DLC1: variants seen among roughly 807,000 people sequenced by gnomAD.
DLC1 encodes rho GTPase-activating protein 7.
A neutral mutation model predicts 140.3 loss-of-function variants in DLC1; 54 were observed. The ratio of observed to expected loss-of-function variants is 0.38; its 90% confidence interval spans 0.31 to 0.48. The LOEUF (loss-of-function observed/expected upper bound fraction) is 0.48. Ranked by LOEUF, DLC1 falls within the 20% of genes least tolerant of loss-of-function variation. The pLI, the probability that DLC1 is intolerant of heterozygous loss-of-function variation, is 0.96. For missense variants in DLC1, 2,536 were observed against 1,907.0 expected, an observed-to-expected ratio of 1.33 and a Z score of -6.14; for synonymous variants, 986 against 728.1, an observed-to-expected ratio of 1.35 and a Z score of -5.70.
intron 2 of DLC1, among the ~76,000 whole-genome samples, chr8:13,443,528 G>A (rs1370716289): frequency 1.3e-4 from 19 of 151,260 alleles, no homozygotes; most frequent in African/African-American, 3.2e-4. Context: ...GCATGGTGGC[G>A]GATGCCTGTA....
chr8:13,460,841 A>G (rs2117021833), intron 2 of DLC1, among the ~76,000 whole-genome samples: 1 of 152,330 alleles, frequency 6.6e-6, no homozygotes, highest in South Asian at 2.1e-4. Flanking sequence ...TGATTCTGGA[A>G]ACAGTTTTCT....
intron 1 of DLC1, among the ~76,000 whole-genome samples, chr8:13,530,177 C>A (rs1048958197): frequency 6.6e-6 from 1 of 152,148 alleles, no homozygotes; most frequent in South Asian, 2.1e-4. Context: ...GCTTTGCAAC[C>A]TTCTCTGTAG....
Position 13,314,657 on chromosome 8 carries a change from C to G in DLC1, c.1315-9355G>C, listed in dbSNP as rs373522653. ...ATTCTCACCATTTCATAACATCCAA[C>G]TTAAAAACTTTTGGTAGATCCAGGC... On this transcript the variant is annotated intron_variant, in intron 4 of 17. Transcript: ENST00000276297. Among the ~76,000 whole-genome samples the G allele has an allele frequency of 1.7e-4, 26 of 152,290 alleles. No homozygotes were observed. The East Asian group carries it at 4.6e-3, about 27-fold the overall frequency.
chr8:13,538,952 C>G (rs184380841), intron 1 of DLC1, among the ~76,000 whole-genome samples: 2 of 152,280 alleles, frequency 1.3e-5, no homozygotes, highest in East Asian at 3.9e-4. Flanking sequence ...GCATTTTTCT[C>G]TCACTCTTAA....
intron 5 of DLC1, among the ~76,000 whole-genome samples, chr8:13,127,474 C>T (rs2128960268): frequency 6.6e-6 from 1 of 152,330 alleles, no homozygotes; most frequent in Admixed American, 6.5e-5. Context: ...AATGCCCTTT[C>T]TGTGCTATAC....
At chr8:13,495,592 C>T (rs950798659) in intron 2 of DLC1, among the ~76,000 whole-genome samples, 2 of 152,064 alleles carry the variant, frequency 1.3e-5, no homozygotes, top group African/African-American at 4.8e-5. Flanking sequence ...TTGTGATCCC[C>T]TATATACTAC....
intron 14 of DLC1, among the ~76,000 whole-genome samples, chr8:13,090,725 A>G (rs1016229003): frequency 6.6e-6 from 1 of 152,116 alleles, no homozygotes; most frequent in Non-Finnish European, 1.5e-5. Context: ...AGTGAATTAC[A>G]TTGGTCAAAG....
intron 5 of DLC1, among the ~76,000 whole-genome samples, chr8:13,179,214 A>G (rs1825910417): frequency 1.3e-5 from 2 of 150,982 alleles, no homozygotes; most frequent in Admixed American, 1.3e-4. Flanking sequence ...AGCAGAACGA[A>G]TCTCTTCTGT....
chr8:13,348,923 C>T (rs1166493972), intron 4 of DLC1, among the ~76,000 whole-genome samples: 1 of 152,176 alleles, frequency 6.6e-6, no homozygotes, highest in Non-Finnish European at 1.5e-5. Flanking sequence ...ATTCTTTGAG[C>T]TGGAAAACGG....
intron 1 of DLC1, among the ~76,000 whole-genome samples, chr8:13,593,156 C>T (rs1805573938): frequency 6.6e-6 from 1 of 152,076 alleles, no homozygotes; most frequent in Admixed American, 6.6e-5. Flanking sequence ...TAATAAGAGC[C>T]ATCACCCATT....
rs1010706568 is a variant in DLC1, at chr8:13,500,850, A to G, written c.-125-654T>C. Among the ~76,000 whole-genome samples, 3 of 152,206 alleles carry G rather than the reference A, an allele frequency of 2.0e-5. No individual in the cohort carries two copies. The South Asian group carries it at 6.2e-4, about 32-fold the overall frequency. On this transcript the variant is annotated intron_variant, in intron 1 of 17. Transcript: ENST00000276297. ...ACAATTAGGACAGATACATCTGTAC[A>G]TGCATCCTACTACTGCTACTACTAG...
In DLC1 at chr8:13,092,785, G is replaced by T; in HGVS notation, c.3567C>A (p.Ala1189=). The change falls in exon 13 of 18, where the codon GCC becomes GCA. Residue 1189 remains alanine (A), a synonymous_variant. Coordinates refer to ENST00000276297, the MANE Select transcript of DLC1 (RefSeq NM_182643.3). ...KDQRLQAIKA[A]IMLLPDENRE... Reference sequence around the variant, plus strand: ...GGTTCTCGTCAGGCAGCAGCATGATGGCAGCCTTGATGGCCTGCAGGCGCT... The same window carrying T: ...GGTTCTCGTCAGGCAGCAGCATGATTGCAGCCTTGATGGCCTGCAGGCGCT... 6.2e-7 allele frequency: 1 copy of T among 1,614,062 alleles called. No individual in the cohort carries two copies. Among genetic ancestry groups the T allele is most frequent in the South Asian group, 1.1e-5 (1 of 91,030 alleles).
rs374183928 is a variant in DLC1, at chr8:13,484,107, A to G, written c.1023+14942T>C. Among the ~76,000 whole-genome samples the G allele has an allele frequency of 2.1e-3, 315 of 152,286 alleles. 2 individuals are homozygous for G. Among genetic ancestry groups the G allele is most frequent in the African/African-American group, 7.3e-3 (304 of 41,578 alleles). On this transcript the variant is annotated intron_variant, in intron 2 of 17. Coordinates refer to ENST00000276297, the MANE Select transcript of DLC1 (RefSeq NM_182643.3). ...AATAAATAAACAAGTAAATAATGAAATAAAGACAATCTGAGCTGCAGTGTG... is the reference window on the plus strand; with the variant it reads ...AATAAATAAACAAGTAAATAATGAAGTAAAGACAATCTGAGCTGCAGTGTG...
intron 4 of DLC1, among the ~76,000 whole-genome samples, chr8:13,309,398 A>G (rs973603096): frequency 1.3e-5 from 2 of 152,162 alleles, no homozygotes; most frequent in African/African-American, 4.8e-5. Flanking sequence ...CCAACCCTCT[A>G]TGTTGAGACC....
chr8:13,221,446 C>T (rs760101396), intron 5 of DLC1, among the ~76,000 whole-genome samples: 1 of 151,402 alleles, frequency 6.6e-6, no homozygotes, highest in Non-Finnish European at 1.5e-5. Context: ...TCTCAGCTCA[C>T]TGCACCTTCC....
At chr8:13,098,748 C>T (rs992108468) in intron 9 of DLC1, among the ~76,000 whole-genome samples, 173 bp from the exon 10 acceptor site, 15 of 152,140 alleles carry the variant, frequency 9.9e-5, no homozygotes, top group African/African-American at 3.6e-4. Context: ...CCTGAGTAGC[C>T]AGGACTGTAG....
At chr8:13,398,519 C>T (rs896684245) in intron 3 of DLC1, among the ~76,000 whole-genome samples, 1 of 148,908 alleles carries the variant, frequency 6.7e-6, no homozygotes, top group African/African-American at 2.5e-5. Flanking sequence ...AATCCCAACA[C>T]ATTGGGAGGC....
At chr8:13,426,842 C>T (rs1017531224) in intron 2 of DLC1, among the ~76,000 whole-genome samples, 1 of 152,094 alleles carries the variant, frequency 6.6e-6, no homozygotes, top group African/African-American at 2.4e-5. Context: ...CTAGGAGATC[C>T]TCCAGTTTTT....
At chr8:13,346,136 A>G (rs1834324638) in intron 4 of DLC1, among the ~76,000 whole-genome samples, 2 of 152,232 alleles carry the variant, frequency 1.3e-5, no homozygotes, top group South Asian at 2.1e-4. Context: ...AGAAATTATT[A>G]CTTACTTGAG....
Sources: allele counts gnomAD v4.1 joint callset (sites outside exome capture counted in the v4.1 genomes callset), GRCh38; gene constraint gnomAD v4.1.1; transcripts MANE v1.5; gene names NCBI Gene and HGNC (gene_info 2026-07-23, HGNC 2026-07-21).